Variants in BACH1 observed in about 807,000 individuals in gnomAD.
BACH1 encodes transcription regulator protein BACH1.
A neutral mutation model predicts 52.9 loss-of-function variants in BACH1; 35 were observed. The ratio of observed to expected loss-of-function variants is 0.66; its 90% CI spans 0.51 to 0.88. The LOEUF (loss-of-function observed/expected upper bound fraction) is 0.88, where lower values mean the gene tolerates loss of function less well. Ranked by LOEUF, BACH1 falls within the 40% of genes least tolerant of loss-of-function variation. BACH1 has a pLI of 0.00. For synonymous variants in BACH1, 321 were observed against 319.6 expected (o/e 1.00, Z -0.05); for missense variants, 808 against 872.6 (o/e 0.93, Z 0.93).
At chr21:29,352,970 C>T (rs2089212095) in intron 2 of BACH1, among the ~76,000 whole-genome samples, 1 of 152,120 alleles carries the variant, frequency 6.6e-6, no homozygotes, top group Non-Finnish European at 1.5e-5. Flanking sequence ...ACCTCAGCCT[C>T]CCAAAGTGCT....
intron 3 of BACH1, 42 bp from the exon 4 acceptor site, chr21:29,329,445 T>C: frequency 7.1e-7 from 1 of 1,418,134 alleles, no homozygotes; most frequent in Non-Finnish European, 9.4e-7. Flanking sequence ...ACTATAATTA[T>C]AAAATACAGC....
At chr21:29,306,889 C>T (rs1247826227) in intron 1 of BACH1, among the ~76,000 whole-genome samples, 2 of 151,840 alleles carry the variant, frequency 1.3e-5, no homozygotes, top group Non-Finnish European at 2.9e-5. Context: ...CCAATTTTGT[C>T]AATAAATATA....
downstream of BACH1, among the ~76,000 whole-genome samples, chr21:29,346,370 G>C (rs1041380678): frequency 6.6e-6 from 1 of 152,156 alleles, no homozygotes; most frequent in African/African-American, 2.4e-5. Flanking sequence ...GGATAGAGAA[G>C]TATAGGGACT....
chr21:29,310,937 G>A (rs910507352), intron 1 of BACH1, among the ~76,000 whole-genome samples: 8 of 152,068 alleles, frequency 5.3e-5, no homozygotes, highest in Non-Finnish European at 1.2e-4. Flanking sequence ...GTATAAGGAG[G>A]GTCAATAAAT....
At chr21:29,324,556 T>TTGTGTG (rs59785894) in intron 2 of BACH1, among the ~76,000 whole-genome samples, 10,943 of 144,914 alleles carry the variant, frequency 0.076, 499 homozygotes, top group Non-Finnish European at 0.099. Flanking sequence ...TGGATGTACC[T>TTGTGTG]TGTGTGTGTG....
chr21:29,330,331 A>AT (rs560475392), intron 4 of BACH1, among the ~76,000 whole-genome samples: 2,702 of 149,704 alleles, frequency 0.018, 33 homozygotes, highest in Middle Eastern at 0.072. Flanking sequence ...CGCCTGGCTA[A>AT]TTTTTTTTTT....
At chr21:29,312,618 C>CAACAA (rs199974587) in intron 1 of BACH1, among the ~76,000 whole-genome samples, 1 of 151,858 alleles carries the variant, frequency 6.6e-6, no homozygotes, top group Non-Finnish European at 1.5e-5. Context: ...TACACAATAG[C>CAACAA]AACAAAACAA....
chr21:29,322,379 G>A (rs1294361105), intron 2 of BACH1, among the ~76,000 whole-genome samples: 1 of 152,158 alleles, frequency 6.6e-6, no homozygotes, highest in African/African-American at 2.4e-5. Context: ...AAACAGTGTT[G>A]CGTCATTTTT....
chr21:29,304,292 A>G (rs536475833), intron 1 of BACH1, among the ~76,000 whole-genome samples: 27 of 151,980 alleles, frequency 1.8e-4, no homozygotes, highest in South Asian at 1.7e-3. Flanking sequence ...ATGCCCAGCT[A>G]ATTTTTGTGT....
At chr21:29,349,635 G>C (rs142696563), downstream of BACH1, among the ~76,000 whole-genome samples, 5 of 152,282 alleles carry the variant, frequency 3.3e-5, no homozygotes, top group East Asian at 9.6e-4. Flanking sequence ...CAGAAAGTGG[G>C]TGTTGACTGA....
chr21:29,329,547 T>C lies in BACH1; in HGVS notation c.1630T>C (p.Leu544=), dbSNP rs752073995. The part of the protein sequence containing the change: ...ISLSRNDFQS[L]LKMHKLTPEQ... ...ACTGTCTCGAAATGATTTTCAGTCC[T>C]TGTTGAAAATGCACAAGCTTACTCC... The change falls in exon 4 of 5, where the codon TTG becomes CTG. Residue 544 remains leucine, a synonymous_variant. Coordinates refer to ENST00000286800, the MANE Select transcript of BACH1 (RefSeq NM_001186.4). 1.1e-5 allele frequency: 17 copies of C among 1,602,636 alleles called. No homozygotes were observed. In the African/African-American group the frequency reaches 1.9e-4, roughly 18 times the overall value.
At chr21:29,322,093 C>T (rs2088855597) in intron 2 of BACH1, among the ~76,000 whole-genome samples, 2 of 152,146 alleles carry the variant, frequency 1.3e-5, no homozygotes, top group South Asian at 2.1e-4. Context: ...CATCACATCT[C>T]GTGAGACTTA....
chr21:29,347,901 A>G (rs566049112), downstream of BACH1, among the ~76,000 whole-genome samples: 2 of 152,320 alleles, frequency 1.3e-5, no homozygotes, highest in East Asian at 3.9e-4. Context: ...AAAATGCATG[A>G]AAGTCCAGGA....
chr21:29,328,803 A>C (rs553705632), intron 3 of BACH1, among the ~76,000 whole-genome samples: 1 of 152,078 alleles, frequency 6.6e-6, no homozygotes, highest in African/African-American at 2.4e-5. Flanking sequence ...TGTTGGATTT[A>C]CTCTCCTCTG....
Position 29,301,670 on chromosome 21 carries a change from A to G in BACH1, c.-61+2717A>G, listed in dbSNP as rs183599857. Among the ~76,000 whole-genome samples, 240 of 152,346 alleles carry G rather than the reference A, an allele frequency of 1.6e-3. 1 individual carries two copies. Among genetic ancestry groups the G allele is most frequent in the African/African-American group, 5.3e-3 (221 of 41,574 alleles). Reference sequence around the variant, plus strand: ...AATGTATGTGATCTGAAGTGCAGTGATGTGTAAAAGGGTGCAGTGGAAATA... The same window carrying G: ...AATGTATGTGATCTGAAGTGCAGTGGTGTGTAAAAGGGTGCAGTGGAAATA... On this transcript the variant is annotated intron_variant, in intron 1 of 4. Transcript: ENST00000286800.
intron 1 of BACH1, among the ~76,000 whole-genome samples, chr21:29,307,379 A>G (rs1041464173): frequency 2.6e-5 from 4 of 152,090 alleles, no homozygotes; most frequent in Non-Finnish European, 5.9e-5. Flanking sequence ...AATCAAGCTA[A>G]TTAACATGTC....
intron 2 of BACH1, chr21:29,351,710 C>G (rs1164088134): frequency 1.9e-6 from 1 of 534,626 alleles, no homozygotes; most frequent in Non-Finnish European, 3.8e-6. Context: ...TCAGACAGCT[C>G]TGTTTCAGCT....
At chr21:29,340,248 T>TA (rs1318572695) in intron 4 of BACH1, among the ~76,000 whole-genome samples, 1 of 152,194 alleles carries the variant, frequency 6.6e-6, no homozygotes, top group African/African-American at 2.4e-5. Flanking sequence ...GTCTTAAACT[T>TA]AGAGTGAAAT....
At chr21:29,304,013 T>C (rs986411528) in intron 1 of BACH1, among the ~76,000 whole-genome samples, 1 of 152,244 alleles carries the variant, frequency 6.6e-6, no homozygotes, top group African/African-American at 2.4e-5. Flanking sequence ...AGCTGAAATT[T>C]TGTGCAGATC....
Sources: gnomAD v4.1 joint callset for allele counts (sites outside exome capture counted in the v4.1 genomes callset) on GRCh38, gnomAD v4.1.1 for gene constraint, MANE v1.5 for transcripts, NCBI Gene and HGNC (gene_info 2026-07-23, HGNC 2026-07-21) for gene names.